The following VEPH1 variants were observed in gnomAD, a reference collection of about 807,000 sequenced individuals.
The protein encoded by VEPH1 is ventricular zone-expressed PH domain-containing protein homolog 1.
Under a neutral mutation model 85.2 loss-of-function variants are expected in VEPH1, and 80 were observed. The ratio of observed to expected loss-of-function variants is 0.94; its 90% CI spans 0.78 to 1.13. VEPH1 has a LOEUF of 1.13. Among genes scored for constraint, VEPH1 ranks in the 50% most tolerant of loss-of-function variants. VEPH1 has a pLI of 0.00. For missense variants in VEPH1, 955 were observed against 980.5 expected, an observed-to-expected ratio of 0.97 and a Z score of 0.35; for synonymous variants, 297 against 348.0, an observed-to-expected ratio of 0.85 and a Z score of 1.63.
At chr3:157,338,004 T>C (rs1723131500) in intron 9 of VEPH1, among the ~76,000 whole-genome samples, 1 of 152,114 alleles carries the variant, frequency 6.6e-6, no homozygotes, top group African/African-American at 2.4e-5. Flanking sequence ...GGGAGGTCTT[T>C]ACCAGGTCCA....
chr3:157,437,485 G>A (rs1291181447), intron 4 of VEPH1: 2 of 1,588,392 alleles, frequency 1.3e-6, no homozygotes, highest in Non-Finnish European at 1.7e-6. Flanking sequence ...TGGGCGGGCT[G>A]CTAACGTGTG....
intron 2 of VEPH1, among the ~76,000 whole-genome samples, chr3:157,470,802 C>T (rs912683928): frequency 6.6e-6 from 1 of 152,182 alleles, no homozygotes; most frequent in Non-Finnish European, 1.5e-5. Flanking sequence ...TATTCACTTG[C>T]AAGTGGGTTT....
chr3:157,407,666 G>A (rs1329573883), intron 6 of VEPH1, among the ~76,000 whole-genome samples: 1 of 152,130 alleles, frequency 6.6e-6, no homozygotes, highest in African/African-American at 2.4e-5. Context: ...GAGAAGCAGA[G>A]GCAAGGTAAG....
intron 2 of VEPH1, among the ~76,000 whole-genome samples, chr3:157,486,685 T>A (rs1162386756): frequency 6.6e-6 from 1 of 152,080 alleles, no homozygotes; most frequent in Non-Finnish European, 1.5e-5. Flanking sequence ...CTTAAATAAA[T>A]ATATTAATGT....
chr3:157,286,803 A>G, intron 11 of VEPH1, 129 bp from the exon 12 acceptor site: 1 of 740,306 alleles, frequency 1.4e-6, no homozygotes, highest in Non-Finnish European at 2.2e-6. Context: ...ACTAAGAGGC[A>G]GCATTGAAAA....
chr3:157,397,528 G>C (rs185288522), intron 6 of VEPH1, among the ~76,000 whole-genome samples: 1 of 152,072 alleles, frequency 6.6e-6, no homozygotes, highest in East Asian at 1.9e-4. Flanking sequence ...CCATTTTCAC[G>C]ATATTGATTC....
chr3:157,261,288 G>C lies in VEPH1; in HGVS notation c.2348C>G (p.Ser783Cys), dbSNP rs200528563. The change falls in exon 14 of 14, where the codon TCT becomes TGT. Residue 783 changes from serine to cysteine, a missense_variant. Transcript: ENST00000362010. ...KAVAKKRRDR[S>C]LPRAFEIFTD... ...GAAGATTTCGAAAGCCCGGGGGAGA[G>C]AGCGGTCCCTGCGTTTCTTGGCCAC... The C allele has an allele frequency of 3.9e-4, 633 of 1,613,656 alleles. 7 individuals carry two copies. In the East Asian group the frequency reaches 0.014, roughly 36 times the overall value.
At chr3:157,413,421 G>A (rs565200746) in intron 6 of VEPH1, 1 of 964,206 alleles carries the variant, frequency 1.0e-6, no homozygotes, top group African/African-American at 1.8e-5. Context: ...CTCATTAAAG[G>A]GTAGTCTATG....
intron 12 of VEPH1, among the ~76,000 whole-genome samples, chr3:157,283,423 T>C (rs1475769962): frequency 6.6e-6 from 1 of 152,244 alleles, no homozygotes; most frequent in African/African-American, 2.4e-5. Flanking sequence ...ATGCTAACAA[T>C]TATAAATCAT....
chr3:157,470,648 G>A, intron 2 of VEPH1, 119 bp from the exon 3 acceptor site: 1 of 892,476 alleles, frequency 1.1e-6, no homozygotes, highest in Non-Finnish European at 1.7e-6. Flanking sequence ...TAAGGGGTGA[G>A]GGTGTAAAGC....
chr3:157,335,427 G>GAAGGAAAGGAATGTGCATGGGAT (rs1722875283), intron 9 of VEPH1, among the ~76,000 whole-genome samples: 1 of 152,036 alleles, frequency 6.6e-6, no homozygotes, highest in Non-Finnish European at 1.5e-5. Context: ...CTCCCCACAA[G>GAAGGAAAGGAATGTGCATGGGAT]AAGGAAAGGA....
intron 2 of VEPH1, among the ~76,000 whole-genome samples, chr3:157,487,926 A>G (rs1219487687): frequency 6.6e-6 from 1 of 152,142 alleles, no homozygotes; most frequent in Non-Finnish European, 1.5e-5. Flanking sequence ...CCTGGAGCAA[A>G]CATTATGCTT....
At chr3:157,382,153 G>A (rs756358694) in intron 6 of VEPH1, among the ~76,000 whole-genome samples, 2 of 152,192 alleles carry the variant, frequency 1.3e-5, no homozygotes, top group Non-Finnish European at 2.9e-5. Flanking sequence ...TCACTGACTT[G>A]TTAACTTTAA....
chr3:157,414,965 A>T (rs181527811), intron 5 of VEPH1, among the ~76,000 whole-genome samples: 2 of 152,230 alleles, frequency 1.3e-5, no homozygotes, highest in East Asian at 1.9e-4. Context: ...ATTAAAACCA[A>T]ATCTGATACA....
At chr3:157,336,562 C>T (rs914793423) in intron 9 of VEPH1, among the ~76,000 whole-genome samples, 1 of 152,202 alleles carries the variant, frequency 6.6e-6, no homozygotes, top group African/African-American at 2.4e-5. Flanking sequence ...CTTCTCCATT[C>T]CCCTAAGCGT....
At chr3:157,370,756 C>G (rs1727392900) in intron 7 of VEPH1, among the ~76,000 whole-genome samples, 1 of 152,130 alleles carries the variant, frequency 6.6e-6, no homozygotes, top group African/African-American at 2.4e-5. Flanking sequence ...TGAAATAACT[C>G]CATGGTTTAC....
intron 9 of VEPH1, among the ~76,000 whole-genome samples, chr3:157,353,846 T>C (rs1231034024): frequency 6.6e-6 from 1 of 152,168 alleles, no homozygotes; most frequent in Non-Finnish European, 1.5e-5. Flanking sequence ...TTTTGATCAC[T>C]GGTGTTTCGC....
At chr3:157,286,898 G>T (rs546618180) in intron 11 of VEPH1, among the ~76,000 whole-genome samples, 1 of 152,272 alleles carries the variant, frequency 6.6e-6, no homozygotes, top group South Asian at 2.1e-4. Flanking sequence ...GCGAGCACAG[G>T]CCCCAGGGCT....
intron 5 of VEPH1, among the ~76,000 whole-genome samples, chr3:157,427,073 C>T (rs1041813266): frequency 7.2e-5 from 11 of 151,882 alleles, no homozygotes; most frequent in Admixed American, 6.5e-4. Context: ...CTGCAACCTT[C>T]GTCTCCCAAG....
Sources: gnomAD v4.1 joint callset for allele counts (sites outside exome capture counted in the v4.1 genomes callset) on GRCh38, gnomAD v4.1.1 for gene constraint, MANE v1.5 for transcripts, NCBI Gene and HGNC (gene_info 2026-07-23, HGNC 2026-07-21) for gene names.